TCEA1: variants seen among roughly 807,000 people sequenced by gnomAD.
The protein encoded by TCEA1 is transcription elongation factor A1.
In TCEA1, 21 loss-of-function variants were observed where a neutral mutation model predicts 43.8. The observed-to-expected ratio is 0.48, with a 90% CI of 0.34 to 0.69. The LOEUF is 0.69. TCEA1 is among the 30% of genes least tolerant of loss of function. The pLI is 0.01. For synonymous variants in TCEA1, 104 were observed against 117.5 expected, an observed-to-expected ratio of 0.88 and a Z score of 0.75; for missense variants, 250 against 365.1, an observed-to-expected ratio of 0.68 and a Z score of 2.57.
In TCEA1 at chr8:53,979,106, A is replaced by G; in HGVS notation, c.744T>C (p.His248=). ...KNLTKEAIRE[H]QMAKTGGTQT... is the part of the protein sequence containing the mutation. ...GGGTCCCACCAGTCTTGGCCATCTG[A>G]TGCTCTCTGATGGCTTCTTTGGTCA... The change falls in exon 8 of 10, where the codon CAT becomes CAC. Residue 248 remains histidine, a synonymous_variant. Coordinates refer to ENST00000521604, the MANE Select transcript of TCEA1 (RefSeq NM_006756.4). The G allele has an allele frequency of 6.2e-7, 1 of 1,613,804 alleles. No homozygotes were observed. Among genetic ancestry groups the G allele is most frequent in the Non-Finnish European group, 8.5e-7 (1 of 1,179,814 alleles).
intron 8 of TCEA1, chr8:53,971,848 G>T: frequency 4.6e-6 from 1 of 216,880 alleles, no homozygotes; most frequent in South Asian, 7.2e-5. Context: ...CTAATCAAAA[G>T]GATTCTGAAA....
At chr8:53,995,294 CAA>C (rs925755044) in intron 3 of TCEA1, among the ~76,000 whole-genome samples, 32 of 57,930 alleles carry the variant, frequency 5.5e-4, no homozygotes, top group African/African-American at 1.7e-3. Flanking sequence ...GACTCTGTCT[CAA>C]AAAAAAAAAA....
chr8:53,985,224 C>T (rs1265446969), intron 6 of TCEA1, among the ~76,000 whole-genome samples: 2 of 152,088 alleles, frequency 1.3e-5, no homozygotes, highest in African/African-American at 4.8e-5. Flanking sequence ...ACCATGTTGG[C>T]CAGGCTGGTC....
Position 53,997,492 on chromosome 8 carries a change from A to C in TCEA1, c.232+2453T>G, listed in dbSNP as rs114241759. Among the ~76,000 whole-genome samples, 621 of 152,332 alleles carry C rather than the reference A, an allele frequency of 4.1e-3. 4 individuals are homozygous for C. The highest frequency in any genetic ancestry group is 0.014 in the African/African-American group (592 of 41,566). ...ATTACTATCAATCACTCTGGATATG[A>C]TACCTTGAGAAGGACATAACATGCT... On this transcript the variant is annotated intron_variant, in intron 3 of 9. Transcript: ENST00000521604.
intron 3 of TCEA1, among the ~76,000 whole-genome samples, chr8:53,997,334 G>T (rs1450512390): frequency 2.0e-5 from 3 of 152,238 alleles, no homozygotes; most frequent in African/African-American, 7.2e-5. Context: ...ATCCTAAATT[G>T]GGAGGGGAGG....
intron 1 of TCEA1, among the ~76,000 whole-genome samples, chr8:54,018,577 A>G (rs1486419069): frequency 6.6e-6 from 1 of 152,232 alleles, no homozygotes; most frequent in Non-Finnish European, 1.5e-5. Flanking sequence ...CCAGGATTTG[A>G]ACCCACATTA....
At chr8:53,968,890 A>G (rs1195140364) in intron 9 of TCEA1, among the ~76,000 whole-genome samples, 2 of 152,192 alleles carry the variant, frequency 1.3e-5, no homozygotes, top group East Asian at 1.9e-4. Context: ...TCCTAGACCA[A>G]TGACAACTTC....
At chr8:53,984,544 A>C in intron 6 of TCEA1, 27 bp from the exon 7 acceptor site, 1 of 1,520,842 alleles carries the variant, frequency 6.6e-7, no homozygotes, top group Non-Finnish European at 8.8e-7. Flanking sequence ...GAAAAAAGGC[A>C]AAATTACAAA....
intron 4 of TCEA1, among the ~76,000 whole-genome samples, chr8:53,991,744 G>A (rs960274985): frequency 2.0e-5 from 3 of 151,386 alleles, no homozygotes; most frequent in Non-Finnish European, 4.4e-5. Context: ...GACAATGAGA[G>A]ACTGAGGAAC....
intron 1 of TCEA1, among the ~76,000 whole-genome samples, chr8:54,020,727 G>A (rs1563526143): frequency 1.3e-5 from 2 of 152,166 alleles, no homozygotes; most frequent in African/African-American, 4.8e-5. Flanking sequence ...TTGAGCAGAT[G>A]CTTTTTAACT....
At chr8:53,990,673 G>A (rs148044276) in intron 4 of TCEA1, among the ~76,000 whole-genome samples, 1 of 152,024 alleles carries the variant, frequency 6.6e-6, no homozygotes, top group Non-Finnish European at 1.5e-5. Flanking sequence ...CAAAAACCCA[G>A]TTCTTAAACA....
intron 8 of TCEA1, chr8:53,972,617 T>C: frequency 5.1e-6 from 3 of 591,260 alleles, no homozygotes; most frequent in Non-Finnish European, 9.9e-6. Context: ...AAATATATTC[T>C]TCAGAGTTTG....
intron 1 of TCEA1, among the ~76,000 whole-genome samples, chr8:54,017,106 G>A (rs1804857007): frequency 6.6e-6 from 1 of 151,924 alleles, no homozygotes; most frequent in African/African-American, 2.4e-5. Context: ...AAGTATATTA[G>A]TGGCTGTCAG....
chr8:53,999,685 T>C (rs1431365036), intron 3 of TCEA1: 3 of 386,880 alleles, frequency 7.8e-6, no homozygotes, highest in Non-Finnish European at 1.4e-5. Flanking sequence ...CAACCTTTCC[T>C]TTAAGAGAAA....
Position 53,979,109 on chromosome 8 carries a change from C to G in TCEA1, c.741G>C (p.Glu247Asp). The G allele has an allele frequency of 6.2e-7, 1 of 1,613,816 alleles. No homozygotes were observed. Among genetic ancestry groups the G allele is most frequent in the Non-Finnish European group, 8.5e-7 (1 of 1,179,808 alleles). Residue 247 changes from glutamate to aspartate, a missense_variant, in exon 8 of 10, where the codon GAG (glutamate) becomes GAC (aspartate). By Grantham distance (45) the Glu-to-Asp change is conservative (BLOSUM62 2). This residue lies in a region of TCEA1 where 46 missense variants were observed against 109.8 expected (regional missense o/e 0.42). Coordinates refer to ENST00000521604, the MANE Select transcript of TCEA1 (RefSeq NM_006756.4). ...RKNLTKEAIR[E>D]HQMAKTGGTQ... The stretch of plus-strand genomic sequence containing the variant: ...TCCCACCAGTCTTGGCCATCTGATG[C>G]TCTCTGATGGCTTCTTTGGTCAAGT...
At chr8:54,009,183 T>C (rs761206568) in intron 2 of TCEA1, among the ~76,000 whole-genome samples, 10 of 147,968 alleles carry the variant, frequency 6.8e-5, no homozygotes, top group Non-Finnish European at 8.9e-5. Flanking sequence ...AAAAAACAGA[T>C]GCTGGTGAAG....
Position 54,022,290 on chromosome 8 carries a change from C to A in TCEA1, c.-165G>T. On this transcript the variant is annotated 5_prime_UTR_variant, in exon 1 of 10. Coordinates refer to ENST00000521604, the MANE Select transcript of TCEA1 (RefSeq NM_006756.4). ...CGAACGAAGCCCGCGGCGGCGGCGG[C>A]GGCGGCGGCGGCTCCGGCTCCTCCT... 1 of 805,974 alleles carries A rather than the reference C, an allele frequency of 1.2e-6. No homozygotes were observed. Among genetic ancestry groups the A allele is most frequent in the Non-Finnish European group, 2.0e-6 (1 of 504,968 alleles). 49.9% of individuals were successfully genotyped at this position (805,974 alleles called of 1,614,324 possible). A position where few individuals can be genotyped will look rare whatever the true frequency, so the allele number is the denominator to read the frequency against.
At chr8:54,021,947 G>A (rs1805050391) in intron 1 of TCEA1, 116 bp downstream of exon 1, 2 of 1,095,352 alleles carry the variant, frequency 1.8e-6, no homozygotes, top group Non-Finnish European at 1.2e-6. Context: ...CGGCGGGCCC[G>A]GCTCCCAGAC....
chr8:53,987,135 T>A (rs1461333206), intron 5 of TCEA1, 110 bp from the exon 6 acceptor site: 1 of 899,290 alleles, frequency 1.1e-6, no homozygotes, highest in Non-Finnish European at 1.7e-6. Flanking sequence ...TTGCCTGACA[T>A]AAAGAAACCG....
Sources: gnomAD v4.1 joint callset for allele counts (sites outside exome capture counted in the v4.1 genomes callset) on GRCh38, gnomAD v4.1.1 for gene constraint, gnomAD v4.1.1 regional missense constraint, MANE v1.5 for transcripts, NCBI Gene and HGNC (gene_info 2026-07-23, HGNC 2026-07-21) for gene names.